The following DNAH8 variants were observed in gnomAD, a reference collection of about 807,000 sequenced individuals.
The protein encoded by DNAH8 is axonemal beta dynein heavy chain 8.
Under a neutral mutation model 562.1 loss-of-function variants are expected in DNAH8, and 382 were observed. The observed-to-expected ratio is 0.68, with a 90% confidence interval of 0.63 to 0.74. DNAH8 has a LOEUF of 0.74. Among genes scored for constraint, DNAH8 ranks in the 30% least tolerant of loss-of-function variants. DNAH8 has a pLI of 0.00. For synonymous variants in DNAH8, 1,881 were observed against 1,919.4 expected, an observed-to-expected ratio of 0.98 and a Z score of 0.52; for missense variants, 5,203 against 5,620.4, an observed-to-expected ratio of 0.93 and a Z score of 2.37.
In DNAH8 at chr6:38,986,935, T is replaced by C. The variant is rs551306356; in HGVS notation, c.13053+2628T>C. Reference sequence around the variant, plus strand: ...AAGTTGTCTCAGACTGTAACTGCCATGAGGGCAGGGACTTTGTCTTATTAC... The same window carrying C: ...AAGTTGTCTCAGACTGTAACTGCCACGAGGGCAGGGACTTTGTCTTATTAC... On this transcript the variant is annotated intron_variant, in intron 87 of 92. Transcript: ENST00000327475. Among the ~76,000 whole-genome samples the C allele has an allele frequency of 1.6e-4, 24 of 152,372 alleles. No homozygotes were observed. The East Asian group carries it at 4.2e-3, about 27-fold the overall frequency.
Position 38,838,043 on chromosome 6 carries a change from G to C in DNAH8, c.4466+1G>C. 1 of 1,591,906 alleles carries C rather than the reference G, an allele frequency of 6.3e-7. No homozygotes were observed. Among genetic ancestry groups the C allele is most frequent in the Non-Finnish European group, 8.6e-7 (1 of 1,165,484 alleles). Reference sequence around the variant, plus strand: ...ATTATGAGGTTTTACACAAAACCAGGTAAGTTTAGAAAATAAGCAAGTATT... The same window carrying C: ...ATTATGAGGTTTTACACAAAACCAGCTAAGTTTAGAAAATAAGCAAGTATT... On this transcript the variant is annotated splice_donor_variant, in intron 33 of 92. Transcript: ENST00000327475. LOFTEE classifies it high-confidence loss of function.
chr6:38,885,901 T>C (rs540833079), intron 56 of DNAH8, among the ~76,000 whole-genome samples: 8 of 152,330 alleles, frequency 5.3e-5, no homozygotes, highest in Non-Finnish European at 1.0e-4. Context: ...CTCTCACCAC[T>C]AGAATGTGTG....
chr6:38,739,370 T>C (rs1452671201), intron 7 of DNAH8, among the ~76,000 whole-genome samples: 1 of 152,212 alleles, frequency 6.6e-6, no homozygotes, highest in Non-Finnish European at 1.5e-5. Flanking sequence ...ATTTTACTTA[T>C]TAAATGCTTT....
intron 58 of DNAH8, among the ~76,000 whole-genome samples, chr6:38,894,025 A>G (rs888910645): frequency 5.9e-5 from 9 of 152,190 alleles, no homozygotes; most frequent in African/African-American, 1.7e-4. Context: ...GTTGGTAGAA[A>G]TAGTAAATTA....
chr6:38,969,534 T>C (rs1284109525), intron 82 of DNAH8, among the ~76,000 whole-genome samples: 1 of 151,940 alleles, frequency 6.6e-6, no homozygotes, highest in East Asian at 1.9e-4. Context: ...TAGAACAAGG[T>C]CCGTCAGGAA....
intron 52 of DNAH8, among the ~76,000 whole-genome samples, chr6:38,874,689 C>T (rs749694756): frequency 2.6e-5 from 4 of 152,098 alleles, no homozygotes; most frequent in East Asian, 1.9e-4. Flanking sequence ...ATTTCCTACT[C>T]GGTTTTCCTT....
At chr6:38,779,483 A>T (rs112603211) in intron 14 of DNAH8, among the ~76,000 whole-genome samples, 1 of 152,092 alleles carries the variant, frequency 6.6e-6, no homozygotes, top group African/African-American at 2.4e-5. Context: ...CCTGTGTGTC[A>T]TTCAGTCTCT....
chr6:38,863,944 G>T lies in DNAH8; in HGVS notation c.6382G>T (p.Ala2128Ser), dbSNP rs997865092. The change falls in exon 45 of 93, where the codon GCA (alanine) becomes TCA (serine). Residue 2128 changes from alanine to serine, a missense_variant. By Grantham distance (99) the Ala-to-Ser change is moderately conservative (BLOSUM62 1). This residue lies in a region of DNAH8 where 2,176 missense variants were observed against 2,365.1 expected (regional missense o/e 0.92). Transcript: ENST00000327475. ...NRIELPVLSVAAQQIYIVLTA... is the reference protein window; with the variant it reads ...NRIELPVLSVSAQQIYIVLTA... ...AATTGAATTGCCTGTATTATCAGTG[G>T]CAGCACAACAAATTTATATTGTTTT... is the stretch of plus-strand genomic sequence containing the variant. The T allele has an allele frequency of 6.2e-7, 1 of 1,613,014 alleles. No individual in the cohort carries two copies. The highest frequency in any genetic ancestry group is 8.5e-7 in the Non-Finnish European group (1 of 1,179,800).
chr6:38,991,519 A>G (rs147961624), intron 88 of DNAH8, among the ~76,000 whole-genome samples: 1 of 152,352 alleles, frequency 6.6e-6, no homozygotes, highest in African/African-American at 2.4e-5. Flanking sequence ...AATGTGAGTC[A>G]GACCACATCA....
chr6:38,909,359 C>T (rs896653378), intron 64 of DNAH8, among the ~76,000 whole-genome samples, 159 bp from the exon 65 acceptor site: 5 of 152,206 alleles, frequency 3.3e-5, no homozygotes, highest in Admixed American at 3.3e-4. Context: ...TATATTTCCT[C>T]CCTTCATCAC....
intron 21 of DNAH8, among the ~76,000 whole-genome samples, chr6:38,795,735 A>G (rs576531800): frequency 4.3e-4 from 65 of 152,336 alleles, no homozygotes; most frequent in Non-Finnish European, 7.5e-4. Flanking sequence ...AAGTGGCGTT[A>G]TAGTGAAGCC....
chr6:38,898,143 C>A, intron 60 of DNAH8, 115 bp from the exon 61 acceptor site: 2 of 938,208 alleles, frequency 2.1e-6, no homozygotes, highest in Admixed American at 2.8e-5. Flanking sequence ...AAATCCATAA[C>A]GTTTAAAAAA....
At chr6:38,923,212 CACTCTTTCTTTGTG>C (rs776989167) in intron 72 of DNAH8, 27 bp downstream of exon 72, 3 of 1,610,766 alleles carry the variant, frequency 1.9e-6, no homozygotes, top group Non-Finnish European at 2.5e-6. Context: ...TCTTCATAAT[CACTCTTTCTTTGTG>C]ACATTAGAGA....
chr6:38,906,384 A>T lies in DNAH8; in HGVS notation c.9325A>T (p.Asn3109Tyr). The change falls in exon 63 of 93, where the codon AAC becomes TAC. Residue 3109 changes from asparagine to tyrosine, a missense_variant. This residue lies in a region of DNAH8 where 977 missense variants were observed against 1,061.8 expected (regional missense o/e 0.92). Transcript: ENST00000327475. ...AGATGAGGCATTTCTAGAATACCTT[A>T]ACAACTTGCTATCTTCAGGGGAGGT... ...IKDEAFLEYL[N>Y]NLLSSGEISN... is the part of the protein sequence containing the mutation. 1.9e-6 allele frequency: 3 copies of T among 1,607,730 alleles called. No homozygotes were observed. Among genetic ancestry groups the T allele is most frequent in the Non-Finnish European group, 2.5e-6 (3 of 1,177,512 alleles).
rs754359838 is a variant in DNAH8, at chr6:38,845,667, G to T, written c.4939G>T (p.Ala1647Ser). The change falls in exon 36 of 93, where the codon GCA (alanine) becomes TCA (serine). Residue 1647 changes from alanine (A) to serine (S), a missense_variant. Physicochemically the swap from Ala to Ser is moderately conservative, Grantham distance 99. This residue lies in a region of DNAH8 where 2,176 missense variants were observed against 2,365.1 expected (regional missense o/e 0.92). Coordinates refer to ENST00000327475, the MANE Select transcript of DNAH8 (RefSeq NM_001206927.2). ...NWTNQNLSFAAFKGKGELLLK... is the reference protein window; with the variant it reads ...NWTNQNLSFASFKGKGELLLK... The stretch of plus-strand genomic sequence containing the variant: ...GACCAACCAAAATCTGAGTTTTGCA[G>T]CATTTAAGGGAAAAGGAGAGCTCCT... 6.2e-7 allele frequency: 1 copy of T among 1,613,942 alleles called. No individual in the cohort carries two copies.
chr6:38,841,349 GC>G (rs1422468067), intron 33 of DNAH8, among the ~76,000 whole-genome samples: 1 of 152,130 alleles, frequency 6.6e-6, no homozygotes, highest in Non-Finnish European at 1.5e-5. Flanking sequence ...AACCCAGGAG[GC>G]AGAGGTTATG....
chr6:38,756,722 C>T (rs891584787), intron 10 of DNAH8, among the ~76,000 whole-genome samples: 1 of 149,990 alleles, frequency 6.7e-6, no homozygotes, highest in Non-Finnish European at 1.5e-5. Flanking sequence ...TTCCTGTGTC[C>T]GTGTGTTCTC....
intron 4 of DNAH8, among the ~76,000 whole-genome samples, chr6:38,730,839 A>G (rs558159042): frequency 1.4e-4 from 21 of 152,090 alleles, no homozygotes; most frequent in East Asian, 3.9e-4. Flanking sequence ...TGCATACTAG[A>G]GTTATTTCTT....
At chr6:38,818,932 A>T (rs1772566807) in intron 26 of DNAH8, among the ~76,000 whole-genome samples, 1 of 152,212 alleles carries the variant, frequency 6.6e-6, no homozygotes, top group Non-Finnish European at 1.5e-5. Context: ...GGTAATTGTG[A>T]TATAAGGAAA....
Sources: allele counts gnomAD v4.1 joint callset (sites outside exome capture counted in the v4.1 genomes callset), GRCh38; gene constraint gnomAD v4.1.1; regional missense constraint gnomAD v4.1.1; transcripts MANE v1.5; gene names NCBI Gene and HGNC (gene_info 2026-07-23, HGNC 2026-07-21).